Variants in TTC28 observed in about 807,000 individuals in gnomAD.
The protein encoded by TTC28 is tetratricopeptide repeat domain 28, also known as tetratricopeptide repeat protein 28.
In TTC28, 61 loss-of-function variants were observed where a neutral mutation model predicts 198.0. That is an observed-to-expected ratio of 0.31 (90% confidence interval 0.25 to 0.38). TTC28 has a LOEUF of 0.38. Among genes scored for constraint, TTC28 ranks in the 10% least tolerant of loss-of-function variants. The pLI is 1.00. For missense variants in TTC28, 2,678 were observed against 3,164.0 expected (o/e 0.85, Z 3.69); for synonymous variants, 1,171 against 1,297.8 (o/e 0.90, Z 2.10).
At position 28,383,739 on chromosome 22, in the gene TTC28, A is replaced by G. The variant is rs1346057213; in HGVS notation, c.382-77096T>C. On this transcript the variant is annotated intron_variant, in intron 2 of 22. Transcript: ENST00000397906. Reference sequence around the variant, plus strand: ...TATTGCTACCACCTTTGTCCAAACCATCATTTCTCTTGCCTAGATCACAAG... The same window carrying G: ...TATTGCTACCACCTTTGTCCAAACCGTCATTTCTCTTGCCTAGATCACAAG... Among the ~76,000 whole-genome samples, 3 of 152,138 alleles carry G rather than the reference A, an allele frequency of 2.0e-5. No individual in the cohort carries two copies. The East Asian group carries it at 5.8e-4, about 29-fold the overall frequency.
chr22:28,452,585 T>C (rs1186492001), intron 2 of TTC28, among the ~76,000 whole-genome samples: 1 of 152,054 alleles, frequency 6.6e-6, no homozygotes, highest in African/African-American at 2.4e-5. Flanking sequence ...TCTACACTTA[T>C]GAATTCATAA....
chr22:28,560,807 G>A (rs1003102773), intron 2 of TTC28, among the ~76,000 whole-genome samples: 2 of 152,058 alleles, frequency 1.3e-5, no homozygotes, highest in African/African-American at 4.8e-5. Context: ...ACCCAGGCTG[G>A]AGTGCAGTGG....
At chr22:28,397,852 C>T (rs548052377) in intron 2 of TTC28, among the ~76,000 whole-genome samples, 1 of 152,332 alleles carries the variant, frequency 6.6e-6, no homozygotes, top group Admixed American at 6.5e-5. Flanking sequence ...ATGAATTTCA[C>T]TTTGGAAAGG....
chr22:28,314,882 GA>G (rs750755689), intron 2 of TTC28, among the ~76,000 whole-genome samples: 2 of 151,822 alleles, frequency 1.3e-5, no homozygotes, highest in South Asian at 4.2e-4. Context: ...CTAAAAAAAA[GA>G]AAAAAAATTC....
At chr22:28,252,657 G>A (rs9613581) in intron 5 of TTC28, among the ~76,000 whole-genome samples, 27,819 of 151,992 alleles carry the variant, frequency 0.18, 3,258 homozygotes, top group Non-Finnish European at 0.26. Flanking sequence ...GGAAAGACTC[G>A]GGTTTGTGTT....
In TTC28 at chr22:28,241,481, C is replaced by T. The variant is rs1929649321; in HGVS notation, c.933+54717G>A. ...TATTAATATAAAATTTGAGTATGAG[C>T]TATGGATTTGATAACTGGACTATGA... On this transcript the variant is annotated intron_variant, in intron 5 of 22. Coordinates refer to ENST00000397906, the MANE Select transcript of TTC28 (RefSeq NM_001145418.2). Among the ~76,000 whole-genome samples the T allele has an allele frequency of 2.6e-5, 4 of 151,888 alleles. No homozygotes were observed. The South Asian group carries it at 8.3e-4, about 32-fold the overall frequency.
chr22:28,386,120 C>CA (rs1312786245), intron 2 of TTC28, among the ~76,000 whole-genome samples: 1 of 150,374 alleles, frequency 6.7e-6, no homozygotes, highest in African/African-American at 2.4e-5. Context: ...ACTAAAACTA[C>CA]AAAAAATAGC....
chr22:28,536,451 C>T (rs1018338131), intron 2 of TTC28, among the ~76,000 whole-genome samples: 2 of 151,676 alleles, frequency 1.3e-5, no homozygotes, highest in South Asian at 2.1e-4. Flanking sequence ...GGTGAAACCC[C>T]GTCTCTACTA....
chr22:28,216,109 T>A (rs1425503637), intron 5 of TTC28, among the ~76,000 whole-genome samples: 1 of 152,182 alleles, frequency 6.6e-6, no homozygotes, highest in African/African-American at 2.4e-5. Flanking sequence ...CACTCACTGC[T>A]CCATCCTCAG....
intron 12 of TTC28, 125 bp from the exon 13 acceptor site, chr22:28,030,491 A>C: frequency 1.7e-6 from 2 of 1,193,420 alleles, no homozygotes; most frequent in South Asian, 3.1e-5. Flanking sequence ...TCCAGATGAC[A>C]GCATCACCCC....
chr22:28,618,173 G>T (rs1277718689), intron 2 of TTC28, among the ~76,000 whole-genome samples: 2 of 152,140 alleles, frequency 1.3e-5, no homozygotes, highest in African/African-American at 4.8e-5. Context: ...TACTTGGGAA[G>T]CTGAGGCAGG....
At chr22:28,413,661 T>C (rs575146194) in intron 2 of TTC28, among the ~76,000 whole-genome samples, 36 of 152,256 alleles carry the variant, frequency 2.4e-4, no homozygotes, top group Middle Eastern at 6.8e-3. Flanking sequence ...AGAAATGCCT[T>C]ACATTTAAAA....
At chr22:28,020,249 T>G (rs557110834) in intron 13 of TTC28, among the ~76,000 whole-genome samples, 8 of 152,378 alleles carry the variant, frequency 5.3e-5, no homozygotes, top group South Asian at 2.1e-4. Context: ...GTCCCATGGC[T>G]GCCGGGACCC....
intron 2 of TTC28, among the ~76,000 whole-genome samples, chr22:28,460,474 T>C (rs974790994): frequency 2.0e-5 from 3 of 152,150 alleles, no homozygotes; most frequent in Non-Finnish European, 1.5e-5. Context: ...TAATACTTTA[T>C]GTACAGACCT....
At chr22:28,365,236 G>GT (rs1395628946) in intron 2 of TTC28, among the ~76,000 whole-genome samples, 2 of 152,152 alleles carry the variant, frequency 1.3e-5, no homozygotes, top group African/African-American at 4.8e-5. Flanking sequence ...CATATACATT[G>GT]TTTTTTAGAC....
At chr22:28,304,724 A>G (rs942051252) in intron 3 of TTC28, among the ~76,000 whole-genome samples, 1 of 152,204 alleles carries the variant, frequency 6.6e-6, no homozygotes, top group African/African-American at 2.4e-5. Context: ...ACTGATCTCA[A>G]CACATTCACT....
rs756741776 is a variant in TTC28 at position 28,005,141 on chromosome 22, C to T, written c.4219-3588G>A. Among the ~76,000 whole-genome samples, 26 of 152,288 alleles carry T rather than the reference C, an allele frequency of 1.7e-4. No individual in the cohort carries two copies. Among genetic ancestry groups the T allele is most frequent in the South Asian group, 8.3e-4 (4 of 4,828 alleles). ...GAATCTGTCTCTTCCCCAGGGGTGC[C>T]GCCCTGCGCTCTCACCAAGGGGCTG... On this transcript the variant is annotated intron_variant, in intron 14 of 22. Transcript: ENST00000397906. This position sits in a 1 kb window ranked among gnomAD's most constrained non-coding sequence, Gnocchi z 4.9.
chr22:28,047,162 G>C (rs933543873), intron 12 of TTC28, among the ~76,000 whole-genome samples: 1 of 152,214 alleles, frequency 6.6e-6, no homozygotes, highest in Non-Finnish European at 1.5e-5. Flanking sequence ...AGGAGGTGTT[G>C]TCATGGCACC....
chr22:28,048,539 A>G (rs973184958), intron 12 of TTC28, among the ~76,000 whole-genome samples: 1 of 152,180 alleles, frequency 6.6e-6, no homozygotes, highest in Non-Finnish European at 1.5e-5. Flanking sequence ...CTAAAGCAAA[A>G]CCACAGACGT....
Sources: allele counts gnomAD v4.1 joint callset (sites outside exome capture counted in the v4.1 genomes callset), GRCh38; gene constraint gnomAD v4.1.1; non-coding constraint Gnocchi (gnomAD v3.1); transcripts MANE v1.5; gene names NCBI Gene and HGNC (gene_info 2026-07-23, HGNC 2026-07-21).